The following PLCB1 variants were observed in gnomAD, a reference collection of about 807,000 sequenced individuals.
The protein encoded by PLCB1 is phospholipase C beta 1.
Under a neutral mutation model 161.8 loss-of-function variants are expected in PLCB1, and 46 were observed. The observed-to-expected ratio is 0.28, with a 90% CI of 0.22 to 0.36. The LOEUF is 0.36. Ranked by LOEUF, PLCB1 falls within the 10% of genes least tolerant of loss-of-function variation. PLCB1 has a pLI of 1.00. For synonymous variants in PLCB1, 517 were observed against 503.7 expected, an observed-to-expected ratio of 1.03 and a Z score of -0.35; for missense variants, 1,016 against 1,472.5, an observed-to-expected ratio of 0.69 and a Z score of 5.07.
intron 10 of PLCB1, among the ~76,000 whole-genome samples, chr20:8,686,007 T>C (rs1990349769): frequency 6.6e-6 from 1 of 152,178 alleles, no homozygotes; most frequent in South Asian, 2.1e-4. Flanking sequence ...CATTGAAATA[T>C]TTTTATAAAA....
At chr20:8,342,561 T>C (rs1480520219) in intron 2 of PLCB1, among the ~76,000 whole-genome samples, 1 of 152,188 alleles carries the variant, frequency 6.6e-6, no homozygotes, top group Non-Finnish European at 1.5e-5. Flanking sequence ...CTTCATTACA[T>C]GAATCCAGAG....
chr20:8,227,912 T>C (rs571532869), intron 2 of PLCB1, among the ~76,000 whole-genome samples: 1 of 152,318 alleles, frequency 6.6e-6, no homozygotes, highest in South Asian at 2.1e-4. Flanking sequence ...AAAATATATC[T>C]AATGATATAT....
At chr20:8,205,617 T>C (rs1183122511) in intron 2 of PLCB1, among the ~76,000 whole-genome samples, 2 of 152,228 alleles carry the variant, frequency 1.3e-5, no homozygotes, top group Admixed American at 6.5e-5. Flanking sequence ...TTTAAAATTA[T>C]GGCACTTGTG....
chr20:8,831,167 C>T (rs6056187), intron 31 of PLCB1: 43,986 of 152,296 alleles, frequency 0.29, 6,522 homozygotes, highest in Middle Eastern at 0.41. Context: ...GGTCAAGTCA[C>T]GCAAAAAGAG....
chr20:8,577,393 G>A (rs1426891503), intron 3 of PLCB1, among the ~76,000 whole-genome samples: 8 of 148,816 alleles, frequency 5.4e-5, no homozygotes, highest in Admixed American at 2.0e-4. Context: ...AGCCGAGGTC[G>A]TGCCACTGCA....
At chr20:8,838,693 C>T (rs1011596698) in intron 31 of PLCB1, among the ~76,000 whole-genome samples, 2 of 152,184 alleles carry the variant, frequency 1.3e-5, no homozygotes, top group Non-Finnish European at 2.9e-5. Flanking sequence ...ATTAGTGCTA[C>T]CATCAAGAAT....
In PLCB1 at chr20:8,389,523, A is replaced by G. The variant is rs145906568; in HGVS notation, c.246+18073A>G. 3.4e-3 allele frequency among the ~76,000 whole-genome samples: 512 copies of G among 152,320 alleles called. 3 individuals are homozygous for G. The highest frequency in any genetic ancestry group is 0.012 in the African/African-American group (483 of 41,572). On this transcript the variant is annotated intron_variant, in intron 3 of 31. Coordinates refer to ENST00000338037, the MANE Select transcript of PLCB1 (RefSeq NM_015192.4). ...TTAGTACCATGAGTTAATGAAACCC[A>G]GGTCTTTTCAGAAGATTGTGACTCA...
chr20:8,798,197 GA>G (rs5840289), intron 31 of PLCB1, among the ~76,000 whole-genome samples: 39,369 of 140,020 alleles, frequency 0.28, 5,191 homozygotes, highest in Middle Eastern at 0.36. Flanking sequence ...ACTCTATATC[GA>G]AAAAAAAAAA....
chr20:8,418,704 C>A (rs1347172050), intron 3 of PLCB1, among the ~76,000 whole-genome samples: 1 of 151,866 alleles, frequency 6.6e-6, no homozygotes, highest in South Asian at 2.1e-4. Flanking sequence ...AGGATAATTC[C>A]TTTGTCCATG....
intron 23 of PLCB1, chr20:8,750,800 G>A: frequency 7.4e-7 from 1 of 1,344,890 alleles, no homozygotes; most frequent in Non-Finnish European, 1.0e-6. Flanking sequence ...TTTGTCCTGA[G>A]TAGGGTGGAT....
intron 2 of PLCB1, among the ~76,000 whole-genome samples, chr20:8,221,895 CA>C (rs1442463188): frequency 6.6e-6 from 1 of 152,074 alleles, no homozygotes; most frequent in African/African-American, 2.4e-5. Flanking sequence ...TGAATTGAAG[CA>C]AAAACATCAA....
intron 3 of PLCB1, among the ~76,000 whole-genome samples, chr20:8,588,907 A>C (rs7273479): frequency 0.026 from 3,943 of 152,208 alleles, 163 homozygotes; most frequent in African/African-American, 0.087. Flanking sequence ...ACTAGAACAC[A>C]ATCTTGGGAA....
intron 2 of PLCB1, among the ~76,000 whole-genome samples, chr20:8,185,623 T>C (rs184396506): frequency 2.8e-4 from 43 of 151,822 alleles, no homozygotes; most frequent in Middle Eastern, 3.5e-3. Flanking sequence ...ATAAACACTT[T>C]AAGGAAAATG....
Position 8,317,916 on chromosome 20 carries a change from T to A in PLCB1, c.178-53466T>A, listed in dbSNP as rs530678722. Among the ~76,000 whole-genome samples the A allele has an allele frequency of 1.2e-4, 18 of 152,260 alleles. No homozygotes were observed. The South Asian group carries it at 2.7e-3, about 23-fold the overall frequency. On this transcript the variant is annotated intron_variant, in intron 2 of 31. Coordinates refer to ENST00000338037, the MANE Select transcript of PLCB1 (RefSeq NM_015192.4). The stretch of plus-strand genomic sequence containing the variant: ...TAGTTTGTTTGAAACTCTCTTTTTT[T>A]AAAATTATTTTCTCCTGGGCACTAC...
chr20:8,787,194 A>C (rs6056111), intron 27 of PLCB1, among the ~76,000 whole-genome samples: 38,354 of 152,112 alleles, frequency 0.25, 5,345 homozygotes, highest in South Asian at 0.35. Flanking sequence ...GAAACAGGTT[A>C]TCTCCACAAG....
At chr20:8,516,806 A>C (rs1600121156) in intron 3 of PLCB1, among the ~76,000 whole-genome samples, 1 of 151,370 alleles carries the variant, frequency 6.6e-6, no homozygotes, top group East Asian at 2.0e-4. Flanking sequence ...GTCATGGTCA[A>C]GGTGAAAAGG....
At chr20:8,482,260 C>T (rs1028568538) in intron 3 of PLCB1, among the ~76,000 whole-genome samples, 3 of 151,820 alleles carry the variant, frequency 2.0e-5, no homozygotes, top group African/African-American at 7.3e-5. Context: ...CATACCAGCA[C>T]GTCCAACTAA....
chr20:8,244,125 A>G (rs1261690618), intron 2 of PLCB1, among the ~76,000 whole-genome samples: 1 of 151,972 alleles, frequency 6.6e-6, no homozygotes, highest in African/African-American at 2.4e-5. Context: ...TTTGGCAAAG[A>G]TATAGATAAC....
chr20:8,250,192 A>G (rs969857933), intron 2 of PLCB1, among the ~76,000 whole-genome samples: 2 of 151,958 alleles, frequency 1.3e-5, no homozygotes, highest in African/African-American at 2.4e-5. Flanking sequence ...GCGCCATCCC[A>G]TATCTGTGAA....
Sources: allele counts gnomAD v4.1 joint callset (sites outside exome capture counted in the v4.1 genomes callset), GRCh38; gene constraint gnomAD v4.1.1; transcripts MANE v1.5; gene names NCBI Gene and HGNC (gene_info 2026-07-23, HGNC 2026-07-21).